Variants in ADGB observed in about 807,000 individuals in gnomAD.
ADGB encodes the protein calpain-7-like protein.
Under a neutral mutation model 210.5 loss-of-function variants are expected in ADGB, and 172 were observed. The observed-to-expected ratio is 0.82, with a 90% CI of 0.72 to 0.93. The LOEUF (loss-of-function observed/expected upper bound fraction) is 0.93, where lower values mean the gene tolerates loss of function less well. ADGB is among the 40% of genes least tolerant of loss of function. The probability of loss-of-function intolerance (pLI) is 0.00; values close to 1 mark genes in which losing one functional copy is unlikely to be tolerated. For missense variants in ADGB, 2,025 were observed against 1,964.8 expected (o/e 1.03, Z -0.58); for synonymous variants, 658 against 662.7 (o/e 0.99, Z 0.11).
chr6:146,637,246 A>AGTAG (rs1296138277), intron 2 of ADGB, among the ~76,000 whole-genome samples: 1 of 151,980 alleles, frequency 6.6e-6, no homozygotes, highest in African/African-American at 2.4e-5. Context: ...TTAGGGATCA[A>AGTAG]GCACAAAGTA....
intron 28 of ADGB, among the ~76,000 whole-genome samples, chr6:146,768,277 A>G (rs1472101003): frequency 6.6e-6 from 1 of 152,242 alleles, no homozygotes; most frequent in East Asian, 1.9e-4. Flanking sequence ...ATGAATAGCA[A>G]TTCACAAATA....
Position 146,634,994 on chromosome 6 carries a change from C to T in ADGB, c.75-381C>T, listed in dbSNP as rs552129451. ...TTTATACAAAGTATATGCAAAATGA[C>T]TTAATTTTCAAAAAAATATATGTAG... is the stretch of plus-strand genomic sequence containing the variant. On this transcript the variant is annotated intron_variant, in intron 1 of 35. Transcript: ENST00000397944. Among the ~76,000 whole-genome samples, 24 of 151,920 alleles carry T rather than the reference C, an allele frequency of 1.6e-4. No individual in the cohort carries two copies. The East Asian group carries it at 2.5e-3, about 16-fold the overall frequency.
At chr6:146,646,225 C>G (rs1241456417) in intron 3 of ADGB, among the ~76,000 whole-genome samples, 1 of 151,974 alleles carries the variant, frequency 6.6e-6, no homozygotes, top group Non-Finnish European at 1.5e-5. Context: ...GCAAGATATG[C>G]CAGAGGCAGT....
At chr6:146,682,580 A>G (rs1776172338) in intron 9 of ADGB, among the ~76,000 whole-genome samples, 1 of 152,142 alleles carries the variant, frequency 6.6e-6, no homozygotes, top group South Asian at 2.1e-4. Context: ...CAACAACTGG[A>G]AAGATAAGGA....
chr6:146,795,487 A>T (rs1778026415), intron 33 of ADGB, among the ~76,000 whole-genome samples: 1 of 152,116 alleles, frequency 6.6e-6, no homozygotes, highest in Non-Finnish European at 1.5e-5. Flanking sequence ...AAAAAGTTGG[A>T]AAAGGACATG....
chr6:146,794,281 G>T (rs1778003617), intron 33 of ADGB, among the ~76,000 whole-genome samples: 1 of 152,128 alleles, frequency 6.6e-6, no homozygotes, highest in South Asian at 2.1e-4. Context: ...TAAAAAGGTT[G>T]TGAGTTTATT....
intron 1 of ADGB, among the ~76,000 whole-genome samples, chr6:146,610,240 C>A (rs1780687254): frequency 6.6e-6 from 1 of 152,172 alleles, no homozygotes; most frequent in African/African-American, 2.4e-5. Flanking sequence ...GCTCTCGAAT[C>A]ATTTTACTGG....
At chr6:146,788,832 G>A (rs1253831060) in intron 33 of ADGB, among the ~76,000 whole-genome samples, 1 of 152,138 alleles carries the variant, frequency 6.6e-6, no homozygotes, top group Non-Finnish European at 1.5e-5. Context: ...CCCCCCTACA[G>A]ATTTGCAGGT....
chr6:146,602,840 C>G (rs1274795083), intron 1 of ADGB, among the ~76,000 whole-genome samples: 3 of 152,204 alleles, frequency 2.0e-5, no homozygotes, highest in Non-Finnish European at 4.4e-5. Flanking sequence ...ACTGTGCATA[C>G]AAGGGATCTA....
chr6:146,739,450 T>C (rs1777130922), intron 23 of ADGB, among the ~76,000 whole-genome samples: 1 of 152,192 alleles, frequency 6.6e-6, no homozygotes, highest in Non-Finnish European at 1.5e-5. Flanking sequence ...CAAACCAGGA[T>C]AGATGGTTAC....
intron 27 of ADGB, among the ~76,000 whole-genome samples, chr6:146,756,563 T>C (rs528427211): frequency 6.6e-6 from 1 of 152,200 alleles, no homozygotes; most frequent in South Asian, 2.1e-4. Flanking sequence ...ATTTCATTCT[T>C]TCCATATTTC....
chr6:146,637,006 G>A (rs1165005469), intron 2 of ADGB, among the ~76,000 whole-genome samples: 1 of 151,894 alleles, frequency 6.6e-6, no homozygotes, highest in Admixed American at 6.6e-5. Flanking sequence ...AGAACTAAAG[G>A]ATGTGACGGG....
chr6:146,655,259 C>T (rs1356671345), intron 4 of ADGB, among the ~76,000 whole-genome samples: 1 of 152,148 alleles, frequency 6.6e-6, no homozygotes, highest in Non-Finnish European at 1.5e-5. Flanking sequence ...GGCTGCCCAT[C>T]CTGCCCTATG....
chr6:146,736,429 G>A, intron 22 of ADGB, 69 bp from the exon 23 acceptor site: 1 of 1,003,702 alleles, frequency 1.0e-6, no homozygotes, highest in South Asian at 1.8e-5. Context: ...TGAAAATGAA[G>A]GCTTTGGACA....
intron 12 of ADGB, among the ~76,000 whole-genome samples, chr6:146,696,119 A>G (rs1776398692): frequency 6.6e-6 from 1 of 150,484 alleles, no homozygotes; most frequent in Non-Finnish European, 1.5e-5. Context: ...TCTGCTGCCC[A>G]GGCTAGAGTG....
chr6:146,736,367 T>C (rs1439281049), intron 22 of ADGB, 131 bp from the exon 23 acceptor site: 7 of 572,938 alleles, frequency 1.2e-5, no homozygotes, highest in Middle Eastern at 4.7e-4. Context: ...TTTCTGCTAA[T>C]GAAGCCTATG....
chr6:146,767,396 A>G (rs1202230653), intron 28 of ADGB, among the ~76,000 whole-genome samples: 1 of 152,204 alleles, frequency 6.6e-6, no homozygotes, highest in Non-Finnish European at 1.5e-5. Flanking sequence ...AGTAATAACT[A>G]ATATATTGAC....
In ADGB at chr6:146,664,269, A is replaced by G. The variant is rs1241487586; in HGVS notation, c.681A>G (p.Pro227=). ...ATGAAGATAACAATCTATTGCTTCC[A>G]GCTACAACTTATGAATTTGAACTGT... ...PFDEDNNLLL[P]ATTYEFELWP... The change falls in exon 6 of 36, where the codon CCA becomes CCG. Residue 227 remains proline (P), a synonymous_variant. Transcript: ENST00000397944. 1 of 1,550,140 alleles carries G rather than the reference A, an allele frequency of 6.5e-7. No homozygotes were observed. The highest frequency in any genetic ancestry group is 2.0e-5 in the Admixed American group (1 of 50,920).
chr6:146,630,151 C>A (rs1383894028), intron 1 of ADGB, among the ~76,000 whole-genome samples: 1 of 152,124 alleles, frequency 6.6e-6, no homozygotes, highest in African/African-American at 2.4e-5. Flanking sequence ...GGAGGAGAAT[C>A]GCTTGAACCC....
Sources: gnomAD v4.1 joint callset for allele counts (sites outside exome capture counted in the v4.1 genomes callset) on GRCh38, gnomAD v4.1.1 for gene constraint, MANE v1.5 for transcripts, NCBI Gene and HGNC (gene_info 2026-07-23, HGNC 2026-07-21) for gene names.